Variants in SLA observed in about 807,000 individuals in gnomAD.
SLA encodes the protein Src like adaptor.
Under a neutral mutation model 30.3 loss-of-function variants are expected in SLA, and 16 were observed. The ratio of observed to expected loss-of-function variants is 0.53; its 90% CI spans 0.36 to 0.80. The LOEUF is 0.80. Among genes scored for constraint, SLA ranks in the 30% least tolerant of loss-of-function variants. The pLI, the probability that SLA is intolerant of heterozygous loss-of-function variation, is 0.01. For missense variants in SLA, 310 were observed against 345.2 expected (o/e 0.90, Z 0.81); for synonymous variants, 143 against 137.8 (o/e 1.04, Z -0.26).
chr8:133,055,346 GACACACAC>G (rs150473065), intron 3 of SLA, among the ~76,000 whole-genome samples: 5,422 of 144,654 alleles, frequency 0.037, 148 homozygotes, highest in Non-Finnish European at 0.057. Flanking sequence ...TCATCTTCAG[GACACACAC>G]ACGCACGCGC....
At chr8:133,052,231 TGAGTGA>T (rs1372335098) in intron 3 of SLA, among the ~76,000 whole-genome samples, 1 of 152,178 alleles carries the variant, frequency 6.6e-6, no homozygotes, top group Non-Finnish European at 1.5e-5. Flanking sequence ...GTGAGAAAGA[TGAGTGA>T]GGTTTTGGGC....
intron 1 of SLA, among the ~76,000 whole-genome samples, chr8:133,085,592 A>T (rs1162065416): frequency 6.6e-6 from 1 of 152,220 alleles, no homozygotes; most frequent in Non-Finnish European, 1.5e-5. Flanking sequence ...TGGGCCCATA[A>T]GCATAGCAAA....
Position 133,079,667 on chromosome 8 carries a change from A to G in SLA, c.-318-4537T>C, listed in dbSNP as rs147613546. ...CCAGTATGAGCAGATTTCCATTCCT[A>G]CTTTATAGCTTGATTTGTTTTCCTC... On this transcript the variant is annotated intron_variant, in intron 1 of 8. Transcript: ENST00000338087. Among the ~76,000 whole-genome samples the G allele has an allele frequency of 6.7e-4, 102 of 152,256 alleles. 1 individual carries two copies. The highest frequency in any genetic ancestry group is 2.3e-3 in the African/African-American group (97 of 41,540).
In SLA at chr8:133,059,994, AC is replaced by A. The variant is rs1842130673; in HGVS notation, c.61+105del. The A allele has an allele frequency of 3.1e-5, 34 of 1,113,160 alleles. 1 individual carries two copies. In the South Asian group the frequency reaches 5.9e-4, roughly 19 times the overall value. The allele number at this position is 1,113,160 out of a possible 1,614,324, so 69.0% of individuals were successfully genotyped here. A position where few individuals can be genotyped will look rare whatever the true frequency, so the allele number is the denominator to read the frequency against. ...AGACAGATATAATGAGCCCTTCGGT[AC>A]CCATTGCCCCATTTAAGTAGTTACC... On this transcript the variant is annotated intron_variant, in intron 3 of 8. Coordinates refer to ENST00000338087, the MANE Select transcript of SLA (RefSeq NM_001045556.3).
chr8:133,053,696 AAACAAAAACC>A (rs1564123685), intron 3 of SLA, among the ~76,000 whole-genome samples: 7 of 152,234 alleles, frequency 4.6e-5, no homozygotes. Context: ...CTAACATTAA[AAACAAAAACC>A]AACAGAAACA....
chr8:133,056,148 T>C (rs983252246), intron 3 of SLA, among the ~76,000 whole-genome samples: 1 of 152,180 alleles, frequency 6.6e-6, no homozygotes. Flanking sequence ...ACTAGTTACT[T>C]GATAATGTCT....
Position 133,040,036 on chromosome 8 carries a change from G to A in SLA, c.579C>T (p.Thr193=), listed in dbSNP as rs1391373729. 4 of 1,552,100 alleles carry A rather than the reference G, an allele frequency of 2.6e-6. No individual in the cohort carries two copies. The highest frequency in any genetic ancestry group is 2.0e-5 in the Admixed American group (1 of 51,006). The part of the protein sequence containing the change: ...PAVRASSSPV[T]LRQKTVDWRR... The stretch of plus-strand genomic sequence containing the variant: ...TCCAGTCCACAGTCTTCTGACGCAA[G>A]GTGACAGGTGAGCTGGAGGCCCTCA... Residue 193 remains threonine (T), a synonymous_variant, in exon 8 of 9, where the codon ACC becomes ACT. Coordinates refer to ENST00000338087, the MANE Select transcript of SLA (RefSeq NM_001045556.3).
intron 7 of SLA, among the ~76,000 whole-genome samples, chr8:133,041,307 C>T (rs1838185819): frequency 6.6e-6 from 1 of 152,178 alleles, no homozygotes; most frequent in Non-Finnish European, 1.5e-5. Context: ...GGCATCCTTG[C>T]CAAAGAACAA....
chr8:133,078,479 A>T (rs1015726934), intron 1 of SLA, among the ~76,000 whole-genome samples: 2 of 152,208 alleles, frequency 1.3e-5, no homozygotes, highest in Admixed American at 1.3e-4. Flanking sequence ...ACTGTTCCTC[A>T]GTGATTCACA....
intron 3 of SLA, chr8:133,059,333 G>A: frequency 2.8e-6 from 1 of 357,132 alleles, no homozygotes; most frequent in East Asian, 7.4e-5. Context: ...GGAATCTGAG[G>A]AAATAAAGGT....
chr8:133,102,217 G>C (rs1337945273), intron 1 of SLA, among the ~76,000 whole-genome samples: 1 of 152,202 alleles, frequency 6.6e-6, no homozygotes, highest in Non-Finnish European at 1.5e-5. Flanking sequence ...CACCTCAGCT[G>C]ACCTGAGACC....
chr8:133,071,277 A>G (rs1843979384), intron 2 of SLA, among the ~76,000 whole-genome samples: 1 of 152,154 alleles, frequency 6.6e-6, no homozygotes, highest in South Asian at 2.1e-4. Flanking sequence ...AACCGGGGAA[A>G]CCAAGGCCAG....
rs1465056497 is a variant in SLA at position 133,037,566 on chromosome 8, T to A, written c.*958A>T. On this transcript the variant is annotated 3_prime_UTR_variant, in exon 9 of 9. Transcript: ENST00000338087. ...TAAGCCATGAGCTGATTTCTCTTTT[T>A]ACACATTTGTTTATACATTTTTTCC... is the stretch of plus-strand genomic sequence containing the variant. 6.6e-6 allele frequency: 1 copy of A among 152,206 alleles called. No individual in the cohort carries two copies. The highest frequency in any genetic ancestry group is 6.5e-5 in the Admixed American group (1 of 15,280). The allele number at this position is 152,206 out of a possible 1,614,324, so 9.4% of individuals were successfully genotyped here.
At chr8:133,047,441 A>T in intron 6 of SLA, 1 of 204,960 alleles carries the variant, frequency 4.9e-6, no homozygotes, top group Non-Finnish European at 1.0e-5. Context: ...TTCACAGATG[A>T]GAAAACTGAG....
chr8:133,065,488 G>A (rs536941561), intron 2 of SLA, among the ~76,000 whole-genome samples: 21 of 152,300 alleles, frequency 1.4e-4, no homozygotes, highest in East Asian at 3.9e-4. Flanking sequence ...CAGGCCGGGC[G>A]CGGTGGCTCA....
chr8:133,060,824 G>GA (rs1258096070), intron 2 of SLA, among the ~76,000 whole-genome samples: 1 of 152,298 alleles, frequency 6.6e-6, no homozygotes, highest in African/African-American at 2.4e-5. Context: ...TGCAGTGAGG[G>GA]AAACTGAGTC....
At chr8:133,098,589 C>CT (rs908857579) in intron 1 of SLA, among the ~76,000 whole-genome samples, 1 of 152,212 alleles carries the variant, frequency 6.6e-6, no homozygotes, top group Non-Finnish European at 1.5e-5. Flanking sequence ...GTACTGAAAA[C>CT]TTTTCATGGC....
rs193193464 is a variant in SLA, at chr8:133,060,367, G to T, written c.-40-167C>A. 391 of 1,537,256 alleles carry T rather than the reference G, an allele frequency of 2.5e-4. 1 individual carries two copies. Among genetic ancestry groups the T allele is most frequent in the Admixed American group, 1.4e-3 (65 of 47,104 alleles). ...ATTGGTGAAGATTGGTTACTTTTGC[G>T]CAGCTCAAGTTCTTTTATCAAGGGA... On this transcript the variant is annotated intron_variant, in intron 2 of 8. Transcript: ENST00000338087.
At chr8:133,059,319 A>T (rs1162716983) in intron 3 of SLA, 1 of 358,760 alleles carries the variant, frequency 2.8e-6, no homozygotes, top group Non-Finnish European at 5.5e-6. Context: ...AGAATTATGG[A>T]CTAGGAATCT....
Sources: gnomAD v4.1 joint callset for allele counts (sites outside exome capture counted in the v4.1 genomes callset) on GRCh38, gnomAD v4.1.1 for gene constraint, MANE v1.5 for transcripts, NCBI Gene and HGNC (gene_info 2026-07-23, HGNC 2026-07-21) for gene names.